The following MED13 variants were observed in gnomAD, a reference collection of about 807,000 sequenced individuals.
MED13 encodes mediator of RNA polymerase II transcription subunit 13.
In MED13, 23 loss-of-function variants were observed where a neutral mutation model predicts 225.2. That is an observed-to-expected ratio of 0.10 (90% CI 0.07 to 0.14). MED13 has a LOEUF of 0.14. MED13 is among the 10% of genes least tolerant of loss of function. The pLI, the probability that MED13 is intolerant of heterozygous loss-of-function variation, is 1.00. For missense variants in MED13, 2,197 were observed against 2,594.5 expected (o/e 0.85, Z 3.33); for synonymous variants, 942 against 889.2 (o/e 1.06, Z -1.06).
chr17:62,045,401 T>C (rs369302495), intron 3 of MED13, among the ~76,000 whole-genome samples: 1 of 152,226 alleles, frequency 6.6e-6, no homozygotes, highest in East Asian at 1.9e-4. Flanking sequence ...TGTGTGCCTG[T>C]AGTCCCAGCT....
chr17:62,002,280 G>A (rs189480213), intron 9 of MED13, among the ~76,000 whole-genome samples: 1,836 of 152,062 alleles, frequency 0.012, 23 homozygotes, highest in Non-Finnish European at 0.021. Flanking sequence ...ACCTGAGGTA[G>A]GGAGTTCAAG....
In MED13 at chr17:61,960,944, C is replaced by A. The variant is rs755875696; in HGVS notation, c.5403G>T (p.Arg1801Ser). ...FVGYCLSHDQ[R>S]WILASCTDLY... is the part of the protein sequence containing the mutation. ...GATCTGTGCAAGATGCAAGAATCCA[C>A]CTTTGATCATGTGATAAACAGTATC... Residue 1801 changes from arginine (R) to serine (S), a missense_variant, in exon 23 of 30, where the codon AGG becomes AGT. Physicochemically the swap from Arg to Ser is moderately radical, Grantham distance 110. Transcript: ENST00000397786. 2 of 1,613,870 alleles carry A rather than the reference C, an allele frequency of 1.2e-6. No individual in the cohort carries two copies. The highest frequency in any genetic ancestry group is 4.5e-5 in the East Asian group (2 of 44,830).
chr17:61,992,768 GCTT>G (rs2080310845), intron 10 of MED13, 147 bp from the exon 11 acceptor site: 2 of 518,490 alleles, frequency 3.9e-6, no homozygotes, highest in East Asian at 6.2e-5. Context: ...TAAGTAGTAT[GCTT>G]ATTATTACTT....
intron 15 of MED13, 124 bp from the exon 16 acceptor site, chr17:61,983,238 A>G: frequency 1.3e-6 from 1 of 755,266 alleles, no homozygotes; most frequent in East Asian, 2.8e-5. Flanking sequence ...AAGGACAAGT[A>G]TTGCAAGAAT....
At chr17:61,949,664 G>A (rs2079880459) in intron 28 of MED13, among the ~76,000 whole-genome samples, 1 of 151,942 alleles carries the variant, frequency 6.6e-6, no homozygotes, top group African/African-American at 2.4e-5. Context: ...TAAAAATCAA[G>A]TATTACAAAG....
At chr17:61,977,576 C>A (rs376229471) in intron 16 of MED13, among the ~76,000 whole-genome samples, 6 of 152,260 alleles carry the variant, frequency 3.9e-5, no homozygotes, top group East Asian at 1.9e-4. Context: ...CTCAGCCTCC[C>A]GAGTAGCTGG....
intron 16 of MED13, among the ~76,000 whole-genome samples, chr17:61,977,246 CAAG>C (rs1033629711): frequency 6.6e-5 from 10 of 152,068 alleles, no homozygotes; most frequent in African/African-American, 2.4e-4. Flanking sequence ...AGATGGAGAA[CAAG>C]AAGAAGGGTT....
intron 8 of MED13, among the ~76,000 whole-genome samples, chr17:62,012,657 T>C (rs965952393): frequency 4.6e-5 from 7 of 151,748 alleles, no homozygotes; most frequent in African/African-American, 1.2e-4. Flanking sequence ...TGGTAAGATA[T>C]GGAGTTTACA....
At chr17:62,026,418 C>T (rs2080702331) in intron 8 of MED13, among the ~76,000 whole-genome samples, 1 of 150,290 alleles carries the variant, frequency 6.7e-6, no homozygotes, top group Non-Finnish European at 1.5e-5. Flanking sequence ...ATTTCACCTA[C>T]AGCTGCCCAA....
Position 61,984,260 on chromosome 17 carries a change from C to A in MED13, c.2799G>T (p.Leu933Phe). The A allele has an allele frequency of 1.9e-6, 3 of 1,611,730 alleles. No individual in the cohort carries two copies. The highest frequency in any genetic ancestry group is 2.5e-6 in the Non-Finnish European group (3 of 1,179,160). ...LPSQYLPPIK[L>F]PEECIYRQSW... ...TCTGACGGTAAATACACTCTTCTGG[C>A]AATTTGATAGGGGGCAGATATTGGC... Residue 933 changes from leucine (L) to phenylalanine (F), a missense_variant, in exon 15 of 30, where the codon TTG becomes TTT. Physicochemically the swap from Leu to Phe is conservative, Grantham distance 22 (BLOSUM62 0). This residue lies in a region of MED13 where 160 missense variants were observed against 184.8 expected (regional missense o/e 0.87). Transcript: ENST00000397786.
intron 9 of MED13, chr17:62,003,967 T>G (rs768393426): frequency 6.6e-6 from 1 of 152,226 alleles, no homozygotes; most frequent in Non-Finnish European, 1.5e-5. Context: ...CAGATAGTCA[T>G]GTACACAAGC....
chr17:62,028,996 T>A (rs1021805855), intron 8 of MED13, among the ~76,000 whole-genome samples: 6 of 150,154 alleles, frequency 4.0e-5, no homozygotes, highest in African/African-American at 1.5e-4. Flanking sequence ...TCTCTACGAA[T>A]TTTTTTTTCT....
At chr17:61,999,303 C>A (rs1156976481) in intron 9 of MED13, among the ~76,000 whole-genome samples, 1 of 152,112 alleles carries the variant, frequency 6.6e-6, no homozygotes, top group South Asian at 2.1e-4. Flanking sequence ...AAATACAGTT[C>A]TTTCTTTGCT....
intron 27 of MED13, among the ~76,000 whole-genome samples, chr17:61,952,702 T>C (rs1198297245): frequency 1.3e-5 from 2 of 152,210 alleles, no homozygotes; most frequent in Non-Finnish European, 2.9e-5. Context: ...AATTGGATGA[T>C]CTCGGCTCAC....
chr17:62,062,829 T>TTTC (rs753533280), intron 2 of MED13, among the ~76,000 whole-genome samples: 1 of 152,058 alleles, frequency 6.6e-6, no homozygotes, highest in Non-Finnish European at 1.5e-5. Context: ...CTGTGAGAAA[T>TTTC]TAAGAAGAGA....
chr17:62,042,323 G>A (rs2080859210), intron 3 of MED13, among the ~76,000 whole-genome samples: 1 of 152,036 alleles, frequency 6.6e-6, no homozygotes, highest in African/African-American at 2.4e-5. Context: ...CAACACTTTG[G>A]GAGGCCAAGG....
rs934803522 is a variant in MED13, at chr17:61,944,946, G to C, written c.*1522C>G. The C allele has an allele frequency of 2.6e-5, 4 of 152,614 alleles. No individual in the cohort carries two copies. The highest frequency in any genetic ancestry group is 2.9e-5 in the Non-Finnish European group (2 of 68,054). The allele number at this position is 152,614 out of a possible 1,614,324, so 9.5% of individuals were successfully genotyped here. A position where few individuals can be genotyped will look rare whatever the true frequency, so the allele number is the denominator to read the frequency against. Reference sequence around the variant, plus strand: ...ATCTTGGCATGTGCAAACAAGAAGGGGGAAAGTTGTATTGAAGGAGGGGTG... The same window carrying C: ...ATCTTGGCATGTGCAAACAAGAAGGCGGAAAGTTGTATTGAAGGAGGGGTG... On this transcript the variant is annotated 3_prime_UTR_variant, in exon 30 of 30. Transcript: ENST00000397786.
Position 61,962,859 on chromosome 17 carries a change from C to A in MED13, c.4957G>T (p.Asp1653Tyr). 6.2e-7 allele frequency: 1 copy of A among 1,614,076 alleles called. No homozygotes were observed. The highest frequency in any genetic ancestry group is 8.5e-7 in the Non-Finnish European group (1 of 1,180,004). ...ACACTAGAAGAGTTAGTGCTCTCGT[C>A]TGTATTTTCGTATGTAAAAGGATCA... ...IIDPFTYENTDESTNSSSVWT... is the reference protein window; with the variant it reads ...IIDPFTYENTYESTNSSSVWT... The change falls in exon 21 of 30, where the codon GAC becomes TAC. Residue 1653 changes from aspartate to tyrosine, a missense_variant. Physicochemically the swap from Asp to Tyr is radical, Grantham distance 160. Around this residue, in one of 12 missense-constraint regions of MED13, gnomAD observed 457 missense variants for 442.2 expected, o/e 1.03. Coordinates refer to ENST00000397786, the MANE Select transcript of MED13 (RefSeq NM_005121.3).
intron 23 of MED13, among the ~76,000 whole-genome samples, chr17:61,957,094 T>G (rs2079952148): frequency 6.6e-6 from 1 of 152,124 alleles, no homozygotes; most frequent in Admixed American, 6.5e-5. Context: ...TCGCCCAGGC[T>G]GGAGTGCAGT....
Sources: allele counts gnomAD v4.1 joint callset (sites outside exome capture counted in the v4.1 genomes callset), GRCh38; gene constraint gnomAD v4.1.1; regional missense constraint gnomAD v4.1.1; transcripts MANE v1.5; gene names NCBI Gene and HGNC (gene_info 2026-07-23, HGNC 2026-07-21).